The following GRIN2A variants were observed in gnomAD, a reference collection of about 807,000 sequenced individuals.
The protein encoded by GRIN2A is glutamate ionotropic receptor NMDA type subunit 2A.
A neutral mutation model predicts 113.4 loss-of-function variants in GRIN2A; 22 were observed. The observed-to-expected ratio is 0.19, with a 90% CI of 0.14 to 0.28. The LOEUF is 0.28. Ranked by LOEUF, GRIN2A falls within the 10% of genes least tolerant of loss-of-function variation. The pLI, the probability that GRIN2A is intolerant of heterozygous loss-of-function variation, is 1.00. For synonymous variants in GRIN2A, 827 were observed against 738.4 expected (o/e 1.12, Z -1.94); for missense variants, 1,502 against 1,887.0 (o/e 0.80, Z 3.78).
At chr16:10,040,781 A>G (rs2047152549) in intron 2 of GRIN2A, among the ~76,000 whole-genome samples, 1 of 152,212 alleles carries the variant, frequency 6.6e-6, no homozygotes, top group South Asian at 2.1e-4. Flanking sequence ...CTGCGCTCCG[A>G]CACTGCATCT....
At chr16:10,069,981 C>T (rs1361361720) in intron 2 of GRIN2A, among the ~76,000 whole-genome samples, 4 of 152,310 alleles carry the variant, frequency 2.6e-5, no homozygotes, top group South Asian at 4.2e-4. Context: ...CTGTGGGTTC[C>T]CTCTTGCCTA....
In GRIN2A at chr16:9,757,130, C is replaced by G. The variant is rs922055607; in HGVS notation, c.*6019G>C. The G allele has an allele frequency of 3.7e-5, 8 of 215,384 alleles. No homozygotes were observed. The highest frequency in any genetic ancestry group is 5.8e-5 in the Admixed American group (1 of 17,164). The allele number at this position is 215,384 out of a possible 1,614,324, so 13.3% of individuals were successfully genotyped here. Reference sequence around the variant, plus strand: ...ATTTTTTCAACCTTTTCTTGAGGCACATGTCATAATGCAAGGCTGGGAGGA... The same window carrying G: ...ATTTTTTCAACCTTTTCTTGAGGCAGATGTCATAATGCAAGGCTGGGAGGA... On this transcript the variant is annotated 3_prime_UTR_variant, in exon 13 of 13. Coordinates refer to ENST00000330684, the MANE Select transcript of GRIN2A (RefSeq NM_001134407.3).
intron 2 of GRIN2A, among the ~76,000 whole-genome samples, chr16:10,115,742 G>T (rs1596522670): frequency 6.6e-6 from 1 of 152,176 alleles, no homozygotes; most frequent in Admixed American, 6.5e-5. Context: ...TGGGGACACT[G>T]TTTCTCAGAA....
chr16:9,764,553 C>A lies in GRIN2A; in HGVS notation c.2991G>T (p.Glu997Asp), dbSNP rs755332991. The A allele has an allele frequency of 6.2e-7, 1 of 1,613,966 alleles. No individual in the cohort carries two copies. Among genetic ancestry groups the A allele is most frequent in the South Asian group, 1.1e-5 (1 of 91,078 alleles). ...CTTTGGATTCTGTGCTCACGGCCAC[C>A]TCCACCGTGTTAGGGTTGGACTCAT... ...TLNESNPNTV[E>D]VAVSTESKAN... Residue 997 changes from glutamate to aspartate, a missense_variant, in exon 13 of 13, where the codon GAG becomes GAT. Around this residue, in one of 7 missense-constraint regions of GRIN2A, gnomAD observed 832 missense variants for 789.7 expected, o/e 1.05. Transcript: ENST00000330684.
chr16:10,138,000 G>C (rs2049237571), intron 2 of GRIN2A, among the ~76,000 whole-genome samples: 1 of 152,218 alleles, frequency 6.6e-6, no homozygotes, highest in South Asian at 2.1e-4. Context: ...CCAGAAGCCA[G>C]ATTCCAAATT....
chr16:9,815,973 G>A (rs988917156), intron 10 of GRIN2A, among the ~76,000 whole-genome samples: 2 of 152,200 alleles, frequency 1.3e-5, no homozygotes, highest in African/African-American at 4.8e-5. Context: ...CCAAAACATG[G>A]ATGAACATTA....
intron 2 of GRIN2A, among the ~76,000 whole-genome samples, chr16:10,096,814 C>A (rs1415599429): frequency 1.3e-5 from 2 of 152,142 alleles, no homozygotes; most frequent in African/African-American, 2.4e-5. Flanking sequence ...CTGCTACAAC[C>A]ACAACTAACT....
chr16:9,932,590 G>C (rs2044621109), intron 3 of GRIN2A, among the ~76,000 whole-genome samples: 1 of 151,430 alleles, frequency 6.6e-6, no homozygotes, highest in Middle Eastern at 3.2e-3. Flanking sequence ...ACCATGTGTT[G>C]GCCAGGCTGG....
chr16:9,826,692 T>C (rs2042394827), intron 9 of GRIN2A, among the ~76,000 whole-genome samples: 1 of 152,256 alleles, frequency 6.6e-6, no homozygotes, highest in Admixed American at 6.5e-5. Flanking sequence ...TCTCATTGTA[T>C]CAAACATTTA....
intron 2 of GRIN2A, among the ~76,000 whole-genome samples, chr16:10,062,997 G>T (rs987360122): frequency 6.6e-6 from 1 of 152,068 alleles, no homozygotes; most frequent in East Asian, 1.9e-4. Flanking sequence ...GTGGTGGATT[G>T]GATAAAGAAA....
chr16:10,012,374 C>T (rs1307343110), intron 2 of GRIN2A, among the ~76,000 whole-genome samples: 1 of 152,202 alleles, frequency 6.6e-6, no homozygotes, highest in East Asian at 1.9e-4. Flanking sequence ...ATTTAACCCT[C>T]ATATGCTAAA....
At chr16:10,122,486 C>T (rs1375067) in intron 2 of GRIN2A, among the ~76,000 whole-genome samples, 25,793 of 151,942 alleles carry the variant, frequency 0.17, 2,373 homozygotes, top group Non-Finnish European at 0.19. Context: ...GCCTGGAGCA[C>T]GTGATCTTTT....
intron 3 of GRIN2A, among the ~76,000 whole-genome samples, chr16:9,920,566 A>ATT (rs34857622): frequency 0.016 from 2,244 of 144,418 alleles, 33 homozygotes; most frequent in Admixed American, 0.025. Flanking sequence ...TGTGAATTGA[A>ATT]TTTTTTTTTT....
chr16:9,992,741 A>C (rs973688887), intron 2 of GRIN2A, among the ~76,000 whole-genome samples: 1 of 152,194 alleles, frequency 6.6e-6, no homozygotes, highest in Non-Finnish European at 1.5e-5. Context: ...TACAGTTCAC[A>C]TGGAAGTGTG....
At chr16:9,897,701 T>C (rs1244986140) in intron 3 of GRIN2A, among the ~76,000 whole-genome samples, 1 of 152,236 alleles carries the variant, frequency 6.6e-6, no homozygotes, top group African/African-American at 2.4e-5. Context: ...TATCTGCTTC[T>C]CTTCACTTTT....
intron 2 of GRIN2A, among the ~76,000 whole-genome samples, chr16:10,090,110 C>T (rs1445357675): frequency 1.3e-5 from 2 of 152,096 alleles, no homozygotes; most frequent in Non-Finnish European, 2.9e-5. Context: ...AAAGACACAA[C>T]GGTGACCAAG....
rs11864658 is a variant in GRIN2A, at chr16:9,962,149, G to A, written c.415-23598C>T. On this transcript the variant is annotated intron_variant, in intron 2 of 12. Coordinates refer to ENST00000330684, the MANE Select transcript of GRIN2A (RefSeq NM_001134407.3). ...AAGACTTATATGTTAGACCTAAAAC[G>A]ATAAAAACCCTAGAAGAAAACCTAG... Among the ~76,000 whole-genome samples the A allele has an allele frequency of 4.4e-3, 662 of 152,076 alleles. 4 individuals carry two copies. Among genetic ancestry groups the A allele is most frequent in the African/African-American group, 0.015 (618 of 41,490 alleles).
chr16:9,972,976 G>A (rs929111477), intron 2 of GRIN2A, among the ~76,000 whole-genome samples: 5 of 152,172 alleles, frequency 3.3e-5, no homozygotes, highest in Admixed American at 2.0e-4. Context: ...AGTTCTGATT[G>A]GCTGTCTGGA....
intron 4 of GRIN2A, among the ~76,000 whole-genome samples, chr16:9,886,171 G>A (rs761653524): frequency 6.6e-6 from 1 of 152,232 alleles, no homozygotes; most frequent in African/African-American, 2.4e-5. Flanking sequence ...AAAGTGAATC[G>A]CAGATTGTGT....
Sources: gnomAD v4.1 joint callset for allele counts (sites outside exome capture counted in the v4.1 genomes callset) on GRCh38, gnomAD v4.1.1 for gene constraint, gnomAD v4.1.1 regional missense constraint, MANE v1.5 for transcripts, NCBI Gene and HGNC (gene_info 2026-07-23, HGNC 2026-07-21) for gene names.